Variants in WWP2 observed in about 807,000 individuals in gnomAD.
The protein encoded by WWP2 is NEDD4-like E3 ubiquitin-protein ligase WWP2.
WWP2 carries 57 observed loss-of-function variants against 121.0 expected under a neutral mutation model. That is an observed-to-expected ratio of 0.47 (90% CI 0.38 to 0.59). WWP2 has a LOEUF of 0.59. Ranked by LOEUF, WWP2 falls within the 20% of genes least tolerant of loss-of-function variation. The pLI is 0.00. For missense variants in WWP2, 962 were observed against 1,158.9 expected (o/e 0.83, Z 2.47); for synonymous variants, 449 against 441.3 (o/e 1.02, Z -0.22).
At chr16:69,778,090 T>TATATATATATAG (rs1192880134) in intron 1 of WWP2, among the ~76,000 whole-genome samples, 16 of 108,868 alleles carry the variant, frequency 1.5e-4, no homozygotes, top group African/African-American at 5.0e-4. Context: ...TATATATATA[T>TATATATATATAG]ACACACACAC....
intron 6 of WWP2, among the ~76,000 whole-genome samples, chr16:69,867,907 C>A (rs998624167): frequency 6.6e-6 from 1 of 152,178 alleles, no homozygotes; most frequent in African/African-American, 2.4e-5. Context: ...GCTGTCTCAG[C>A]CATCACCCTG....
intron 6 of WWP2, among the ~76,000 whole-genome samples, chr16:69,859,593 C>T (rs2057379754): frequency 6.6e-6 from 1 of 152,026 alleles, no homozygotes; most frequent in Admixed American, 6.6e-5. Context: ...CATTCAGGTC[C>T]TTAGCTGAAT....
intron 7 of WWP2, among the ~76,000 whole-genome samples, chr16:69,877,729 G>GGA (rs145236505): frequency 4.0e-5 from 6 of 150,686 alleles, no homozygotes; most frequent in South Asian, 4.2e-4. Flanking sequence ...TAGGGTATAA[G>GGA]GAGAGAGAGA....
intron 11 of WWP2, among the ~76,000 whole-genome samples, chr16:69,927,264 C>T (rs2058653139): frequency 6.6e-6 from 1 of 152,058 alleles, no homozygotes; most frequent in Non-Finnish European, 1.5e-5. Context: ...CGAGAATGAA[C>T]AGGAAGAACA....
chr16:69,925,481 TG>T lies in WWP2; in HGVS notation c.1234+1del, dbSNP rs1281942710. 2 of 1,614,122 alleles carry T rather than the reference TG, an allele frequency of 1.2e-6. No individual in the cohort carries two copies. On this transcript the variant is annotated frameshift_variant and splice_region_variant, in exon 11 of 24. Coordinates refer to ENST00000359154, the MANE Select transcript of WWP2 (RefSeq NM_001270454.2). LOFTEE classifies it high-confidence loss of function. This position sits in a 1 kb window ranked among gnomAD's most constrained non-coding sequence, Gnocchi z 4.0. ...HDPLGPLPPGWEKRQDNGRVY... is the reference protein window; with the variant it reads ...HDPLGPLPPGXEKRQDNGRVY... Reference sequence around the variant, plus strand: ...TCCCCTGGGCCCCCTCCCTCCTGGCTGGGGTAAGTACTGAGTTCTCTTCCTG... The same window carrying T: ...TCCCCTGGGCCCCCTCCCTCCTGGCTGGGTAAGTACTGAGTTCTCTTCCTG...
At chr16:69,921,770 C>A (rs953618991) in intron 10 of WWP2, among the ~76,000 whole-genome samples, 1 of 152,088 alleles carries the variant, frequency 6.6e-6, no homozygotes, top group Non-Finnish European at 1.5e-5. Flanking sequence ...TCTCTCTCTG[C>A]AGTATTGAAA....
At chr16:69,802,256 A>C (rs1413987275) in intron 4 of WWP2, among the ~76,000 whole-genome samples, 1 of 152,198 alleles carries the variant, frequency 6.6e-6, no homozygotes, top group African/African-American at 2.4e-5. Context: ...GATAAAATAC[A>C]CATGATGTAA....
chr16:69,774,104 G>A (rs2055474543), intron 1 of WWP2, among the ~76,000 whole-genome samples: 1 of 152,044 alleles, frequency 6.6e-6, no homozygotes, highest in Admixed American at 6.6e-5. Flanking sequence ...GAGAACCACT[G>A]CTCCAAGGCA....
chr16:69,923,213 G>C (rs1201327923), intron 10 of WWP2, among the ~76,000 whole-genome samples: 2 of 148,238 alleles, frequency 1.3e-5, no homozygotes, highest in South Asian at 4.2e-4. Context: ...AATTACTTTT[G>C]CACCAACCTA....
Position 69,917,837 on chromosome 16 carries a change from A to G in WWP2, c.1133A>G (p.Gln378Arg), listed in dbSNP as rs2058498763. ...GAGCAGTGGCAGTCGCAGCGGAATC[A>G]GCTCCAGGGGGCCATGCAGCACTTC... ...NYEQWQSQRN[Q>R]LQGAMQHFSQ... The change falls in exon 10 of 24, where the codon CAG (glutamine) becomes CGG (arginine). Residue 378 changes from glutamine (Q) to arginine (R), a missense_variant. Transcript: ENST00000359154. 4 of 1,613,836 alleles carry G rather than the reference A, an allele frequency of 2.5e-6. No individual in the cohort carries two copies. The highest frequency in any genetic ancestry group is 3.4e-6 in the Non-Finnish European group (4 of 1,179,792).
At chr16:69,917,938 G>GTTCTCTGT in intron 10 of WWP2, 55 bp downstream of exon 10, 1 of 1,511,184 alleles carries the variant, frequency 6.6e-7, no homozygotes, top group African/African-American at 1.7e-5. Context: ...GCTTGCGAAT[G>GTTCTCTGT]TGCAGCCACG....
At chr16:69,804,184 A>T (rs2056229403) in intron 4 of WWP2, among the ~76,000 whole-genome samples, 1 of 152,122 alleles carries the variant, frequency 6.6e-6, no homozygotes, top group Non-Finnish European at 1.5e-5. Context: ...AACTTTCTGT[A>T]GTCCAATCTG....
chr16:69,899,548 G>A (rs1366363955), intron 8 of WWP2, among the ~76,000 whole-genome samples: 2 of 152,000 alleles, frequency 1.3e-5, no homozygotes, highest in Admixed American at 6.6e-5. Context: ...TAGCCAAGAT[G>A]GTGAAACCCT....
At chr16:69,883,611 AG>A (rs1191219447) in intron 7 of WWP2, among the ~76,000 whole-genome samples, 1 of 152,132 alleles carries the variant, frequency 6.6e-6, no homozygotes, top group Non-Finnish European at 1.5e-5. Context: ...CAGGATGTGC[AG>A]GTTTGTTACA....
chr16:69,779,430 G>A (rs946375180), intron 1 of WWP2, among the ~76,000 whole-genome samples: 11 of 152,232 alleles, frequency 7.2e-5, no homozygotes, highest in African/African-American at 2.4e-4. Context: ...AGACACTGGA[G>A]AAAGAAAACA....
At chr16:69,917,928 G>GC in intron 10 of WWP2, 45 bp downstream of exon 10, 1 of 1,562,126 alleles carries the variant, frequency 6.4e-7, no homozygotes, top group African/African-American at 1.5e-5. Context: ...GCCTCCCTGC[G>GC]CTTGCGAATG....
At chr16:69,809,328 T>C (rs1337066113) in intron 4 of WWP2, among the ~76,000 whole-genome samples, 2 of 152,186 alleles carry the variant, frequency 1.3e-5, no homozygotes, top group Non-Finnish European at 2.9e-5. Context: ...TTCTGGTAAT[T>C]GCAAATCTTC....
rs2058208594 is a variant in WWP2 at position 69,901,728 on chromosome 16, A to G, written c.915-7033A>G. Among the ~76,000 whole-genome samples the G allele has an allele frequency of 2.0e-5, 3 of 152,324 alleles. No homozygotes were observed. In the South Asian group the frequency reaches 6.2e-4, roughly 32 times the overall value. ...AATTAATGAATAATACAAGCTGATA[A>G]TGCTCTTACCAAGACTGAAATTTTG... On this transcript the variant is annotated intron_variant, in intron 8 of 23. Transcript: ENST00000359154.
intron 9 of WWP2, among the ~76,000 whole-genome samples, chr16:69,913,113 C>G (rs750787678): frequency 3.5e-5 from 5 of 144,766 alleles, no homozygotes; most frequent in Non-Finnish European, 7.6e-5. Flanking sequence ...CAACCTCCAC[C>G]TCCCAGGTTC....
Sources: gnomAD v4.1 joint callset for allele counts (sites outside exome capture counted in the v4.1 genomes callset) on GRCh38, gnomAD v4.1.1 for gene constraint, Gnocchi (gnomAD v3.1) non-coding constraint, MANE v1.5 for transcripts, NCBI Gene and HGNC (gene_info 2026-07-23, HGNC 2026-07-21) for gene names.